The following FRYL variants were observed in gnomAD, a reference collection of about 807,000 sequenced individuals.
FRYL encodes FRY like transcription coactivator.
A neutral mutation model predicts 351.2 loss-of-function variants in FRYL; 150 were observed. The observed-to-expected ratio is 0.43, with a 90% CI of 0.37 to 0.49. FRYL has a LOEUF of 0.49. Ranked by LOEUF, FRYL falls within the 20% of genes least tolerant of loss-of-function variation. FRYL has a pLI of 0.00. For missense variants in FRYL, 3,036 were observed against 3,619.3 expected, an observed-to-expected ratio of 0.84 and a Z score of 4.13; for synonymous variants, 1,153 against 1,257.1, an observed-to-expected ratio of 0.92 and a Z score of 1.75.
At chr4:48,511,653 A>C (rs375357549) in intron 57 of FRYL, among the ~76,000 whole-genome samples, 12 of 152,332 alleles carry the variant, frequency 7.9e-5, no homozygotes, top group Middle Eastern at 3.4e-3. Flanking sequence ...AACATCAATA[A>C]GAATATGAGT....
chr4:48,696,888 CT>C (rs776683708), intron 2 of FRYL, among the ~76,000 whole-genome samples: 1 of 150,622 alleles, frequency 6.6e-6, no homozygotes. Context: ...ATCTATCTAT[CT>C]ATCTATCACT....
intron 7 of FRYL, among the ~76,000 whole-genome samples, chr4:48,611,999 T>C (rs2149287123): frequency 6.6e-6 from 1 of 152,308 alleles, no homozygotes; most frequent in Non-Finnish European, 1.5e-5. Flanking sequence ...CACAATATAT[T>C]ATTGGCATGC....
intron 6 of FRYL, 83 bp downstream of exon 6, chr4:48,620,556 A>G (rs1750453902): frequency 4.3e-6 from 6 of 1,403,852 alleles, no homozygotes; most frequent in Non-Finnish European, 4.9e-6. Context: ...GAATCAAACA[A>G]TAACAACCTT....
intron 26 of FRYL, among the ~76,000 whole-genome samples, chr4:48,572,654 T>G (rs1248152995): frequency 6.6e-6 from 1 of 152,180 alleles, no homozygotes; most frequent in Non-Finnish European, 1.5e-5. Flanking sequence ...GCGTAATAAA[T>G]TGTTAGAATT....
intron 39 of FRYL, 72 bp from the exon 40 acceptor site, chr4:48,548,865 T>G: frequency 1.2e-6 from 1 of 855,096 alleles, no homozygotes; most frequent in Non-Finnish European, 1.9e-6. Flanking sequence ...GGTACAAAAT[T>G]ACTTGAAGAC....
At chr4:48,686,343 A>G (rs1415011342) in intron 2 of FRYL, among the ~76,000 whole-genome samples, 1 of 152,204 alleles carries the variant, frequency 6.6e-6, no homozygotes, top group African/African-American at 2.4e-5. Context: ...TGAATAAAAT[A>G]CTAACTTGTT....
chr4:48,634,386 C>T lies in FRYL; in HGVS notation c.25G>A (p.Asp9Asn), dbSNP rs1376424348. The change falls in exon 4 of 64, where the codon GAT becomes AAT. Residue 9 changes from aspartate to asparagine, a missense_variant. Transcript: ENST00000358350. MSNITIDP[D>N]VKPGEYVIKS... is the part of the protein sequence containing the mutation. ...ATGACATATTCACCAGGTTTGACATCTGGGTCAATCGTAATGTTTGACATG... is the reference window on the plus strand; with the variant it reads ...ATGACATATTCACCAGGTTTGACATTTGGGTCAATCGTAATGTTTGACATG... 6.2e-7 allele frequency: 1 copy of T among 1,613,078 alleles called. No individual in the cohort carries two copies. Among genetic ancestry groups the T allele is most frequent in the East Asian group, 2.2e-5 (1 of 44,850 alleles).
At chr4:48,593,796 T>G (rs1283207491) in intron 16 of FRYL, 134 bp downstream of exon 16, 4 of 471,634 alleles carry the variant, frequency 8.5e-6, no homozygotes, top group Middle Eastern at 5.7e-4. Flanking sequence ...TTAGAAAGGT[T>G]AAGTAACTTG....
chr4:48,680,314 C>A (rs1764420577), intron 3 of FRYL, among the ~76,000 whole-genome samples: 1 of 151,796 alleles, frequency 6.6e-6, no homozygotes, highest in South Asian at 2.1e-4. Context: ...AAACTTGAAG[C>A]ATTTTTTCAT....
intron 4 of FRYL, among the ~76,000 whole-genome samples, chr4:48,627,934 C>T (rs549720461): frequency 1.2e-3 from 185 of 152,244 alleles, no homozygotes; most frequent in Non-Finnish European, 2.2e-3. Context: ...CCACGTCCAG[C>T]TAGTTTTTGT....
intron 4 of FRYL, among the ~76,000 whole-genome samples, chr4:48,632,129 T>TATATATATATGC (rs1287765191): frequency 9.2e-6 from 1 of 108,676 alleles, no homozygotes; most frequent in African/African-American, 3.6e-5. Flanking sequence ...TATATATATA[T>TATATATATATGC]GCGCACACAA....
chr4:48,626,984 T>G (rs1254919925), intron 4 of FRYL, among the ~76,000 whole-genome samples: 1 of 152,136 alleles, frequency 6.6e-6, no homozygotes, highest in African/African-American at 2.4e-5. Context: ...TTAAGCATAT[T>G]TGGTCAATTA....
At chr4:48,547,270 G>C (rs184928853) in intron 41 of FRYL, among the ~76,000 whole-genome samples, 25 of 152,234 alleles carry the variant, frequency 1.6e-4, no homozygotes, top group Non-Finnish European at 2.9e-4. Context: ...GCAAATAAGA[G>C]GAATCTAATA....
Position 48,608,920 on chromosome 4 carries a change from G to T in FRYL, c.572+67C>A, listed in dbSNP as rs1463961487. The T allele has an allele frequency of 7.6e-6, 7 of 922,506 alleles. No individual in the cohort carries two copies. The African/African-American group carries it at 1.1e-4, about 15-fold the overall frequency. 57.1% of individuals were successfully genotyped at this position (922,506 alleles called of 1,614,324 possible). On this transcript the variant is annotated intron_variant, in intron 9 of 63. Coordinates refer to ENST00000358350, the MANE Select transcript of FRYL (RefSeq NM_015030.2). Reference sequence around the variant, plus strand: ...GGATTTCGAACTATCAGTATCTATTGTATTCATTGGTAATGAAGCATTCTA... The same window carrying T: ...GGATTTCGAACTATCAGTATCTATTTTATTCATTGGTAATGAAGCATTCTA...
In FRYL at chr4:48,736,850, GAAAAA is replaced by G. The variant is rs368006420; in HGVS notation, c.-383-26157_-383-26153del. Among the ~76,000 whole-genome samples, 142 of 40,612 alleles carry G rather than the reference GAAAAA, an allele frequency of 3.5e-3. 1 individual carries two copies. Among genetic ancestry groups the G allele is most frequent in the East Asian group, 0.026 (35 of 1,366 alleles). 26.6% of individuals were successfully genotyped at this position (40,612 alleles called of 152,430 possible). A position where few individuals can be genotyped will look rare whatever the true frequency, so the allele number is the denominator to read the frequency against. ...GGGCGACAGACTGAGACTCTGTCTC[GAAAAA>G]AAAAAAAAAAAAAAAGAAAAAAGAA... On this transcript the variant is annotated intron_variant, in intron 1 of 63. Coordinates refer to ENST00000358350, the MANE Select transcript of FRYL (RefSeq NM_015030.2).
chr4:48,509,984 G>A, intron 59 of FRYL, 75 bp downstream of exon 59: 1 of 941,818 alleles, frequency 1.1e-6, no homozygotes, highest in South Asian at 1.4e-5. Flanking sequence ...TTCTGTCTGG[G>A]CTATTCTGCT....
At chr4:48,647,002 T>A (rs1053131910) in intron 3 of FRYL, among the ~76,000 whole-genome samples, 3 of 152,114 alleles carry the variant, frequency 2.0e-5, no homozygotes, top group African/African-American at 7.2e-5. Context: ...CAAAAAGGTA[T>A]GCCAGCAGAA....
chr4:48,536,792 CT>C (rs1728991565), intron 47 of FRYL, among the ~76,000 whole-genome samples: 1 of 152,068 alleles, frequency 6.6e-6, no homozygotes. Flanking sequence ...AGAAACTGTC[CT>C]TTTAAATATA....
chr4:48,744,571 G>A (rs1354010473), intron 1 of FRYL, among the ~76,000 whole-genome samples: 1 of 152,040 alleles, frequency 6.6e-6, no homozygotes, highest in African/African-American at 2.4e-5. Flanking sequence ...TAAATCAAAG[G>A]CAGCAAAGCA....
Sources: allele counts gnomAD v4.1 joint callset (sites outside exome capture counted in the v4.1 genomes callset), GRCh38; gene constraint gnomAD v4.1.1; transcripts MANE v1.5; gene names NCBI Gene and HGNC (gene_info 2026-07-23, HGNC 2026-07-21).